PNLDC1: variants seen among roughly 807,000 people sequenced by gnomAD.
PNLDC1 encodes PARN like ribonuclease domain containing exonuclease 1, also known as poly(A)-specific ribonuclease PNLDC1.
Under a neutral mutation model 82.0 loss-of-function variants are expected in PNLDC1, and 70 were observed. That is an observed-to-expected ratio of 0.85 (90% CI 0.70 to 1.04). PNLDC1 has a LOEUF of 1.04. PNLDC1 is among the 50% of genes least tolerant of loss of function. The probability of loss-of-function intolerance (pLI) is 0.00; values close to 1 mark genes in which losing one functional copy is unlikely to be tolerated. For missense variants in PNLDC1, 631 were observed against 661.1 expected, an observed-to-expected ratio of 0.95 and a Z score of 0.50; for synonymous variants, 280 against 249.3, an observed-to-expected ratio of 1.12 and a Z score of -1.16.
chr6:159,805,813 T>A, intron 6 of PNLDC1, 170 bp from the exon 7 acceptor site: 1 of 604,282 alleles, frequency 1.7e-6, no homozygotes. Context: ...ATTGTTTGGC[T>A]TCCTATTGCA....
chr6:159,818,421 CT>C, intron 15 of PNLDC1, 133 bp from the exon 16 acceptor site: 1 of 750,738 alleles, frequency 1.3e-6, no homozygotes, highest in Non-Finnish European at 2.3e-6. Flanking sequence ...AGCCCCAAGA[CT>C]TGTGAGGGCA....
Position 159,819,480 on chromosome 6 carries a change from A to T in PNLDC1, c.1532+128A>T. 1 of 784,482 alleles carries T rather than the reference A, an allele frequency of 1.3e-6. No homozygotes were observed. Among genetic ancestry groups the T allele is most frequent in the South Asian group, 1.7e-5 (1 of 57,684 alleles). 48.6% of individuals were successfully genotyped at this position (784,482 alleles called of 1,614,324 possible). On this transcript the variant is annotated intron_variant, in intron 18 of 18. Transcript: ENST00000392167. The surrounding 1 kb of genome is among the most constrained non-coding windows in gnomAD (Gnocchi z 4.6). Reference sequence around the variant, plus strand: ...GTGTGTTGCCAAGGGGGTTGTGTTGACGAGTGTGGTGCCCTGAATGTCCTT... The same window carrying T: ...GTGTGTTGCCAAGGGGGTTGTGTTGTCGAGTGTGGTGCCCTGAATGTCCTT...
At chr6:159,816,706 C>T in intron 14 of PNLDC1, 110 bp downstream of exon 14, 2 of 962,532 alleles carry the variant, frequency 2.1e-6, no homozygotes, top group Non-Finnish European at 3.2e-6. Flanking sequence ...GATCTCGGCT[C>T]ACTGCAGCCT....
chr6:159,818,315 A>G (rs1293200251), intron 15 of PNLDC1, among the ~76,000 whole-genome samples: 1 of 152,196 alleles, frequency 6.6e-6, no homozygotes, highest in Non-Finnish European at 1.5e-5. Flanking sequence ...CCCTCACCAA[A>G]CCATCACCAG....
At chr6:159,812,137 T>G (rs1781667688) in intron 11 of PNLDC1, among the ~76,000 whole-genome samples, 1 of 152,084 alleles carries the variant, frequency 6.6e-6, no homozygotes, top group Non-Finnish European at 1.5e-5. Flanking sequence ...CCTGACCTCA[T>G]GATCCACCCG....
intron 11 of PNLDC1, 53 bp from the exon 12 acceptor site, chr6:159,813,548 A>G: frequency 1.3e-6 from 2 of 1,518,178 alleles, no homozygotes; most frequent in Non-Finnish European, 1.8e-6. Flanking sequence ...CCTGAAACAG[A>G]GAATAAACAA....
intron 9 of PNLDC1, 147 bp from the exon 10 acceptor site, chr6:159,809,879 A>G (rs9365098): frequency 0.96 from 626,494 of 655,480 alleles, 299,625 homozygotes; most frequent in East Asian, 1. Flanking sequence ...TACCTTTCAC[A>G]GAGGCAAAGG....
At position 159,819,568 on chromosome 6, in the gene PNLDC1, C is replaced by A. The variant is rs774624900; in HGVS notation, c.1532+216C>A. ...GGGCACCATCGTAGTTCTAGGGCCTCGTCAGTGAAGCAGAAAATCCCTGCT... is the reference window on the plus strand; with the variant it reads ...GGGCACCATCGTAGTTCTAGGGCCTAGTCAGTGAAGCAGAAAATCCCTGCT... On this transcript the variant is annotated intron_variant, in intron 18 of 18. Transcript: ENST00000392167. The surrounding 1 kb of genome is among the most constrained non-coding windows in gnomAD (Gnocchi z 4.6). Among the ~76,000 whole-genome samples the A allele has an allele frequency of 2.0e-5, 3 of 152,218 alleles. No individual in the cohort carries two copies. In the South Asian group the frequency reaches 6.2e-4, roughly 32 times the overall value.
At chr6:159,813,869 C>T (rs1016535858) in intron 12 of PNLDC1, among the ~76,000 whole-genome samples, 16 of 152,188 alleles carry the variant, frequency 1.1e-4, no homozygotes, top group African/African-American at 3.4e-4. Context: ...GACAGGAAAT[C>T]TCTCAACCCC....
intron 6 of PNLDC1, among the ~76,000 whole-genome samples, chr6:159,804,867 G>C (rs558483111): frequency 8.5e-4 from 130 of 152,354 alleles, no homozygotes; most frequent in African/African-American, 3.0e-3. Flanking sequence ...TGCGTTGAGT[G>C]TGAGTTTCAG....
At chr6:159,817,369 A>G (rs1382139522) in intron 15 of PNLDC1, among the ~76,000 whole-genome samples, 2 of 152,170 alleles carry the variant, frequency 1.3e-5, no homozygotes, top group South Asian at 2.1e-4. Flanking sequence ...GCCTGCCTGT[A>G]TGGGTCCTGG....
rs144203629 is a variant in PNLDC1, at chr6:159,803,554, A to G, written c.248+244A>G. On this transcript the variant is annotated intron_variant, in intron 4 of 18. Coordinates refer to ENST00000392167, the MANE Select transcript of PNLDC1 (RefSeq NM_001271862.2). Reference sequence around the variant, plus strand: ...CTTAAGTGCTCCTTTCCCCATTTCCATTGTCTCCAGTGTGCACCTATATTA... The same window carrying G: ...CTTAAGTGCTCCTTTCCCCATTTCCGTTGTCTCCAGTGTGCACCTATATTA... Among the ~76,000 whole-genome samples the G allele has an allele frequency of 5.7e-3, 869 of 151,946 alleles. 7 individuals carry two copies. The highest frequency in any genetic ancestry group is 0.02 in the African/African-American group (828 of 41,426).
chr6:159,817,524 T>C (rs1345119167), intron 15 of PNLDC1, among the ~76,000 whole-genome samples: 1 of 152,218 alleles, frequency 6.6e-6, no homozygotes, highest in East Asian at 1.9e-4. Flanking sequence ...CAGTGAGGTA[T>C]GAGGAGAAAG....
chr6:159,806,356 T>C (rs1044525396), intron 7 of PNLDC1, among the ~76,000 whole-genome samples: 5 of 152,214 alleles, frequency 3.3e-5, no homozygotes, highest in African/African-American at 1.2e-4. Flanking sequence ...CAGTCCTGGG[T>C]GCCCTGTATT....
At chr6:159,800,669 G>A (rs769289587) in intron 1 of PNLDC1, 103 bp from the exon 2 acceptor site, 83 of 1,613,398 alleles carry the variant, frequency 5.1e-5, no homozygotes, top group Non-Finnish European at 6.7e-5. Flanking sequence ...CTTCTTGAGC[G>A]CAGAGGTGAG....
At chr6:159,813,691 C>G (rs182842288) in intron 12 of PNLDC1, 35 bp downstream of exon 12, 1 of 1,601,532 alleles carries the variant, frequency 6.2e-7, no homozygotes, top group South Asian at 1.1e-5. Context: ...ACTGCTGGAG[C>G]GGCCTTGGTG....
At chr6:159,811,861 T>C in intron 11 of PNLDC1, 75 bp downstream of exon 11, 1 of 1,155,168 alleles carries the variant, frequency 8.7e-7, no homozygotes, top group Non-Finnish European at 1.3e-6. Flanking sequence ...CTTGTGGGGT[T>C]TTTTTCTTGT....
chr6:159,808,114 G>A (rs1222732485), intron 7 of PNLDC1, among the ~76,000 whole-genome samples: 11 of 151,936 alleles, frequency 7.2e-5, no homozygotes, highest in Admixed American at 2.0e-4. Flanking sequence ...GGGTTTCACC[G>A]TGTTGGCCAG....
At chr6:159,805,935 C>A in intron 6 of PNLDC1, 48 bp from the exon 7 acceptor site, 1 of 1,387,614 alleles carries the variant, frequency 7.2e-7, no homozygotes, top group Non-Finnish European at 1.0e-6. Context: ...TCTTGCGGTT[C>A]TGAAGTGTTT....
Sources: gnomAD v4.1 joint callset for allele counts (sites outside exome capture counted in the v4.1 genomes callset) on GRCh38, gnomAD v4.1.1 for gene constraint, Gnocchi (gnomAD v3.1) non-coding constraint, MANE v1.5 for transcripts, NCBI Gene and HGNC (gene_info 2026-07-23, HGNC 2026-07-21) for gene names.